Variants in SVEP1 observed in about 807,000 individuals in gnomAD.
SVEP1 encodes sushi, von Willebrand factor type A, EGF and pentraxin domain-containing protein 1.
In SVEP1, 164 loss-of-function variants were observed where a neutral mutation model predicts 367.3. The ratio of observed to expected loss-of-function variants is 0.45; its 90% CI spans 0.39 to 0.51. The LOEUF (loss-of-function observed/expected upper bound fraction) is 0.51, where lower values mean the gene tolerates loss of function less well. Ranked by LOEUF, SVEP1 falls within the 20% of genes least tolerant of loss-of-function variation. The probability of loss-of-function intolerance (pLI) is 0.00; values close to 1 mark genes in which losing one functional copy is unlikely to be tolerated. For missense variants in SVEP1, 4,117 were observed against 4,425.3 expected (o/e 0.93, Z 1.98); for synonymous variants, 1,666 against 1,611.6 (o/e 1.03, Z -0.81).
chr9:110,500,559 C>A (rs1348434747), intron 6 of SVEP1, among the ~76,000 whole-genome samples: 2 of 152,088 alleles, frequency 1.3e-5, no homozygotes, highest in Non-Finnish European at 2.9e-5. Context: ...TAAATACATT[C>A]TCTTCCAGGT....
chr9:110,566,324 TAATA>T (rs199990111), intron 1 of SVEP1, among the ~76,000 whole-genome samples: 44,423 of 141,420 alleles, frequency 0.31, 7,319 homozygotes, highest in Admixed American at 0.4. Flanking sequence ...CCTGTCTCCA[TAATA>T]AATAAATAAA....
rs1281548613 is a variant in SVEP1, at chr9:110,390,052, C to CGT, written c.9823-467_9823-466dup. Among the ~76,000 whole-genome samples the CGT allele has an allele frequency of 1.2e-3, 130 of 110,526 alleles. 3 individuals are homozygous for CGT. The highest frequency in any genetic ancestry group is 3.2e-3 in the African/African-American group (96 of 29,834). 72.5% of individuals were successfully genotyped at this position (110,526 alleles called of 152,430 possible). ...GTATATATATATAAGTATATATACA[C>CGT]GTATATATATAAGTATATATATATA... is the stretch of plus-strand genomic sequence containing the variant. On this transcript the variant is annotated intron_variant, in intron 40 of 47. Coordinates refer to ENST00000374469, the MANE Select transcript of SVEP1 (RefSeq NM_153366.4).
chr9:110,471,714 T>G, intron 15 of SVEP1, 117 bp from the exon 16 acceptor site: 1 of 730,712 alleles, frequency 1.4e-6, no homozygotes. Context: ...ATAAGTGGTC[T>G]ATAGAAAAAA....
At chr9:110,576,932 T>A (rs1464117632) in intron 1 of SVEP1, among the ~76,000 whole-genome samples, 1 of 152,054 alleles carries the variant, frequency 6.6e-6, no homozygotes, top group East Asian at 1.9e-4. Flanking sequence ...TGCACAAAAG[T>A]AAGTTCCAGA....
intron 1 of SVEP1, among the ~76,000 whole-genome samples, chr9:110,576,784 C>A (rs1363276553): frequency 1.3e-5 from 2 of 152,032 alleles, no homozygotes; most frequent in South Asian, 2.1e-4. Flanking sequence ...TAAAAATCTA[C>A]AACTTTGTTA....
At chr9:110,545,561 T>C (rs1830209756) in intron 3 of SVEP1, among the ~76,000 whole-genome samples, 1 of 152,222 alleles carries the variant, frequency 6.6e-6, no homozygotes, top group African/African-American at 2.4e-5. Flanking sequence ...GATGCATTTT[T>C]TTATGTGTAA....
At chr9:110,441,869 T>G (rs1019278766) in intron 27 of SVEP1, among the ~76,000 whole-genome samples, 2 of 152,280 alleles carry the variant, frequency 1.3e-5, no homozygotes, top group East Asian at 3.9e-4. Context: ...ATCTCCCCCA[T>G]CCATCTTAAA....
Position 110,430,307 on chromosome 9 carries a change from C to T in SVEP1, c.5497G>A (p.Gly1833Arg), listed in dbSNP as rs886516895. 4.3e-6 allele frequency: 7 copies of T among 1,613,184 alleles called. No homozygotes were observed. Among genetic ancestry groups the T allele is most frequent in the Non-Finnish European group, 5.1e-6 (6 of 1,179,594 alleles). The change falls in exon 33 of 48, where the codon GGA (glycine) becomes AGA (arginine). Residue 1833 changes from glycine to arginine, a missense_variant. Physicochemically the swap from Gly to Arg is moderately radical, Grantham distance 125. Coordinates refer to ENST00000374469, the MANE Select transcript of SVEP1 (RefSeq NM_153366.4). Reference protein sequence around the residue: ...GVTKITCLESGEWNHLIPYCK... With the variant: ...GVTKITCLESREWNHLIPYCK... ...TATGGTATTAGATGATTCCATTCTC[C>T]AGACTCCAAACATGTGATTTTGGTT...
intron 1 of SVEP1, among the ~76,000 whole-genome samples, chr9:110,574,261 TTA>T (rs1291040777): frequency 6.6e-6 from 1 of 152,226 alleles, no homozygotes; most frequent in Non-Finnish European, 1.5e-5. Context: ...CCATACATGT[TTA>T]TGTGTTTGCC....
At chr9:110,516,131 T>C (rs1564164981) in intron 3 of SVEP1, among the ~76,000 whole-genome samples, 1 of 149,880 alleles carries the variant, frequency 6.7e-6, no homozygotes, top group Non-Finnish European at 1.5e-5. Context: ...TAAATCATTA[T>C]AATATACTAA....
intron 37 of SVEP1, 41 bp from the exon 38 acceptor site, chr9:110,408,992 A>G (rs1376034338): frequency 2.0e-6 from 3 of 1,518,656 alleles, no homozygotes; most frequent in Non-Finnish European, 1.8e-6. Flanking sequence ...GATTTGTATA[A>G]CAGATGATAG....
At chr9:110,447,605 G>A (rs1588057771) in intron 24 of SVEP1, among the ~76,000 whole-genome samples, 1 of 152,208 alleles carries the variant, frequency 6.6e-6, no homozygotes, top group African/African-American at 2.4e-5. Flanking sequence ...AGAATGGAAA[G>A]TATATCTGGT....
At chr9:110,578,892 C>G in intron 1 of SVEP1, 121 bp downstream of exon 1, 1 of 1,107,052 alleles carries the variant, frequency 9.0e-7, no homozygotes, top group Admixed American at 2.8e-5. Context: ...TGGATGGGGA[C>G]GCTTGACTTG....
rs1827985597 is a variant in SVEP1 at position 110,408,184 on chromosome 9, C to A, written c.7416G>T (p.Leu2472Phe). 9.3e-6 allele frequency: 15 copies of A among 1,613,926 alleles called. No individual in the cohort carries two copies. Among genetic ancestry groups the A allele is most frequent in the Non-Finnish European group, 1.2e-5 (14 of 1,179,880 alleles). Reference sequence around the variant, plus strand: ...CACAAAGGGTGGTAGTATTTCCCACCAATTCAAAGCCTGGCTTGCAGGTAT... The same window carrying A: ...CACAAAGGGTGGTAGTATTTCCCACAAATTCAAAGCCTGGCTTGCAGGTAT... ...ALYTCKPGFE[L>F]VGNTTTLCGE... The change falls in exon 38 of 48, where the codon TTG becomes TTT. Residue 2472 changes from leucine to phenylalanine, a missense_variant. Physicochemically the swap from Leu to Phe is conservative, Grantham distance 22. Transcript: ENST00000374469.
At chr9:110,416,510 G>GA (rs1423341650) in intron 36 of SVEP1, among the ~76,000 whole-genome samples, 1 of 151,144 alleles carries the variant, frequency 6.6e-6, no homozygotes, top group East Asian at 1.9e-4. Flanking sequence ...TAATTAACAT[G>GA]AAAAATAGAA....
chr9:110,388,821 T>G (rs1464260291), intron 41 of SVEP1, among the ~76,000 whole-genome samples: 3 of 151,292 alleles, frequency 2.0e-5, no homozygotes, highest in Non-Finnish European at 4.4e-5. Context: ...TACAAAAAAT[T>G]ACCCGGGCAT....
intron 9 of SVEP1, among the ~76,000 whole-genome samples, chr9:110,487,526 T>C (rs1314471537): frequency 6.6e-6 from 1 of 152,224 alleles, no homozygotes; most frequent in Admixed American, 6.5e-5. Flanking sequence ...TGGATTTCTT[T>C]CATCTACTTT....
Position 110,408,505 on chromosome 9 carries a change from T to C in SVEP1, c.7095A>G (p.Pro2365=), listed in dbSNP as rs758050661. The C allele has an allele frequency of 8.1e-6, 13 of 1,613,796 alleles. No individual in the cohort carries two copies. Among genetic ancestry groups the C allele is most frequent in the South Asian group, 1.1e-5 (1 of 91,052 alleles). The change falls in exon 38 of 48, where the codon CCA becomes CCG. Residue 2365 remains proline (P), a synonymous_variant. Coordinates refer to ENST00000374469, the MANE Select transcript of SVEP1 (RefSeq NM_153366.4). ...LQGPSVLKCL[P]SQQWNDSFPV... ...GGAAAGAGTCATTCCATTGCTGGGATGGCAAGCATTTCAGGACAGAGGGGC... is the reference window on the plus strand; with the variant it reads ...GGAAAGAGTCATTCCATTGCTGGGACGGCAAGCATTTCAGGACAGAGGGGC...
At chr9:110,423,184 G>GAAAAAAAAAAAAAAAAT (rs1404736217) in intron 36 of SVEP1, among the ~76,000 whole-genome samples, 1 of 91,030 alleles carries the variant, frequency 1.1e-5, no homozygotes, top group Non-Finnish European at 2.2e-5. Context: ...AAAAAAAAAA[G>GAAAAAAAAAAAAAAAAT]AAAAAAAAAA....
Sources: gnomAD v4.1 joint callset for allele counts (sites outside exome capture counted in the v4.1 genomes callset) on GRCh38, gnomAD v4.1.1 for gene constraint, MANE v1.5 for transcripts, NCBI Gene and HGNC (gene_info 2026-07-23, HGNC 2026-07-21) for gene names.